Variants in CNTNAP2 observed in about 807,000 individuals in gnomAD.
CNTNAP2 encodes the protein contactin associated protein 2.
In CNTNAP2, 98 loss-of-function variants were observed where a neutral mutation model predicts 155.2. The ratio of observed to expected loss-of-function variants is 0.63; its 90% CI spans 0.54 to 0.75. The LOEUF (loss-of-function observed/expected upper bound fraction) is 0.75. Among genes scored for constraint, CNTNAP2 ranks in the 30% least tolerant of loss-of-function variants. The pLI is 0.00. For synonymous variants in CNTNAP2, 651 were observed against 631.2 expected, an observed-to-expected ratio of 1.03 and a Z score of -0.47; for missense variants, 1,727 against 1,688.1, an observed-to-expected ratio of 1.02 and a Z score of -0.40.
chr7:146,815,765 T>G (rs1167276893), intron 2 of CNTNAP2, among the ~76,000 whole-genome samples: 7 of 151,884 alleles, frequency 4.6e-5, no homozygotes, highest in East Asian at 3.9e-4. Flanking sequence ...ATAGAGCACT[T>G]TTTTTTTATT....
chr7:146,412,709 T>C (rs990547690), intron 1 of CNTNAP2, among the ~76,000 whole-genome samples: 2 of 152,226 alleles, frequency 1.3e-5, no homozygotes, highest in African/African-American at 2.4e-5. Flanking sequence ...GTCGCTGTGA[T>C]ATCTTGCTTC....
intron 15 of CNTNAP2, among the ~76,000 whole-genome samples, chr7:148,107,069 C>T (rs1274803326): frequency 1.3e-5 from 2 of 152,186 alleles, no homozygotes; most frequent in African/African-American, 4.8e-5. Flanking sequence ...ATAAAAAAAT[C>T]TTAGACTTGT....
At chr7:146,434,428 A>T (rs767005599) in intron 1 of CNTNAP2, among the ~76,000 whole-genome samples, 93 of 152,326 alleles carry the variant, frequency 6.1e-4, no homozygotes, top group Non-Finnish European at 1.2e-3. Context: ...TTTTCACAGC[A>T]GTCTGAAACT....
intron 8 of CNTNAP2, among the ~76,000 whole-genome samples, chr7:147,228,596 T>G (rs1803602674): frequency 6.6e-6 from 1 of 152,216 alleles, no homozygotes; most frequent in African/African-American, 2.4e-5. Flanking sequence ...TAACGAAATA[T>G]CTAATCATAT....
At chr7:146,915,185 A>G (rs1796369065) in intron 3 of CNTNAP2, among the ~76,000 whole-genome samples, 1 of 152,030 alleles carries the variant, frequency 6.6e-6, no homozygotes. Context: ...CTGTTTTTAT[A>G]CCAGTACCAT....
chr7:147,125,686 G>A (rs1801218261), intron 6 of CNTNAP2, among the ~76,000 whole-genome samples: 1 of 152,172 alleles, frequency 6.6e-6, no homozygotes, highest in Admixed American at 6.5e-5. Context: ...AGGAGGAGAA[G>A]CCCGAGTTTG....
At chr7:147,200,455 T>C (rs1802899916) in intron 8 of CNTNAP2, among the ~76,000 whole-genome samples, 2 of 152,076 alleles carry the variant, frequency 1.3e-5, no homozygotes, top group African/African-American at 4.8e-5. Context: ...TACAGCAGGG[T>C]GGATTTCAGG....
intron 14 of CNTNAP2, among the ~76,000 whole-genome samples, chr7:147,976,063 G>A (rs1307499207): frequency 1.3e-5 from 2 of 151,968 alleles, no homozygotes; most frequent in African/African-American, 4.8e-5. Context: ...ACTTTTTTAT[G>A]AACACTGAAT....
chr7:146,351,835 CTGTGAGGTCTGTGT>C (rs575085087), intron 1 of CNTNAP2, among the ~76,000 whole-genome samples: 2,779 of 152,270 alleles, frequency 0.018, 41 homozygotes, highest in Non-Finnish European at 0.027. Context: ...GACTTCTTTG[CTGTGAGGTCTGTGT>C]TGTAAATCAT....
intron 13 of CNTNAP2, among the ~76,000 whole-genome samples, chr7:147,703,042 C>T (rs1563058406): frequency 2.0e-5 from 3 of 152,122 alleles, no homozygotes. Flanking sequence ...GTCACTTTCC[C>T]TGGCTGCCTC....
At chr7:146,543,551 A>G (rs1011105734) in intron 1 of CNTNAP2, among the ~76,000 whole-genome samples, 6 of 151,952 alleles carry the variant, frequency 3.9e-5, no homozygotes, top group African/African-American at 1.4e-4. Flanking sequence ...AAAAATGTCA[A>G]CCTAGAATGA....
At chr7:146,303,465 T>C (rs142775048) in intron 1 of CNTNAP2, among the ~76,000 whole-genome samples, 1,736 of 152,032 alleles carry the variant, frequency 0.011, 24 homozygotes, top group Middle Eastern at 0.031. Flanking sequence ...TCACAATACA[T>C]TGATGCTAGC....
At chr7:146,365,154 C>A (rs1024061362) in intron 1 of CNTNAP2, among the ~76,000 whole-genome samples, 1 of 152,096 alleles carries the variant, frequency 6.6e-6, no homozygotes, top group Non-Finnish European at 1.5e-5. Context: ...CTCCAATGCA[C>A]CACTTCATAT....
At chr7:147,706,372 T>A (rs957889916) in intron 13 of CNTNAP2, among the ~76,000 whole-genome samples, 4 of 152,092 alleles carry the variant, frequency 2.6e-5, no homozygotes, top group Non-Finnish European at 5.9e-5. Context: ...TATTTCTCCT[T>A]CATTTATGAA....
At chr7:146,125,933 C>G (rs190836070) in intron 1 of CNTNAP2, among the ~76,000 whole-genome samples, 14 of 152,284 alleles carry the variant, frequency 9.2e-5, no homozygotes, top group East Asian at 7.7e-4. Flanking sequence ...ACTTATAAAA[C>G]GTTCTGCTTG....
At chr7:146,540,920 G>T (rs942180916) in intron 1 of CNTNAP2, among the ~76,000 whole-genome samples, 1 of 151,982 alleles carries the variant, frequency 6.6e-6, no homozygotes, top group African/African-American at 2.4e-5. Flanking sequence ...AGGAGTGTTT[G>T]ATTGTCAAGC....
At chr7:146,136,434 C>G (rs1220920862) in intron 1 of CNTNAP2, among the ~76,000 whole-genome samples, 1 of 152,170 alleles carries the variant, frequency 6.6e-6, no homozygotes, top group Non-Finnish European at 1.5e-5. Context: ...CTTAAGTTAT[C>G]TTCCAGAGAC....
At chr7:148,401,124 G>A (rs1359935702) in intron 22 of CNTNAP2, among the ~76,000 whole-genome samples, 4 of 152,186 alleles carry the variant, frequency 2.6e-5, no homozygotes, top group South Asian at 2.1e-4. Context: ...TGGGGAACCC[G>A]TGGATGTGGA....
At chr7:147,250,535 AC>A (rs1475343285) in intron 8 of CNTNAP2, among the ~76,000 whole-genome samples, 4 of 147,778 alleles carry the variant, frequency 2.7e-5, no homozygotes, top group African/African-American at 7.5e-5. Context: ...TCCACTAAGC[AC>A]CCCCCACCCC....
Sources: allele counts gnomAD v4.1 joint callset (sites outside exome capture counted in the v4.1 genomes callset), GRCh38; gene constraint gnomAD v4.1.1; transcripts MANE v1.5; gene names NCBI Gene and HGNC (gene_info 2026-07-23, HGNC 2026-07-21).